FIP1L1: variants seen among roughly 807,000 people sequenced by gnomAD.
The protein encoded by FIP1L1 is pre-mRNA 3'-end-processing factor FIP1.
FIP1L1 carries 21 observed loss-of-function variants against 84.6 expected under a neutral mutation model. The observed-to-expected ratio is 0.25, with a 90% confidence interval of 0.18 to 0.36. FIP1L1 has a LOEUF of 0.36. FIP1L1 is among the 10% of genes least tolerant of loss of function. The pLI is 1.00. For missense variants in FIP1L1, 526 were observed against 751.1 expected (o/e 0.70, Z 3.50); for synonymous variants, 263 against 242.3 (o/e 1.09, Z -0.80).
At chr4:53,387,963 G>A (rs1742011159) in intron 5 of FIP1L1, among the ~76,000 whole-genome samples, 1 of 152,218 alleles carries the variant, frequency 6.6e-6, no homozygotes, top group African/African-American at 2.4e-5. Context: ...AGCATTACAT[G>A]AATTAATCAG....
At position 53,460,189 on chromosome 4, in the gene FIP1L1, T is replaced by C. The variant is rs1721620528; in HGVS notation, c.*740T>C. On this transcript the variant is annotated 3_prime_UTR_variant, in exon 18 of 18. Coordinates refer to ENST00000337488, the MANE Select transcript of FIP1L1 (RefSeq NM_030917.4). Reference sequence around the variant, plus strand: ...AGCTGGTTTGGCCTTCTTGATGCATTTTCCAAGGCCCACTGGTGGAGCAGC... The same window carrying C: ...AGCTGGTTTGGCCTTCTTGATGCATCTTCCAAGGCCCACTGGTGGAGCAGC... The C allele has an allele frequency of 5.1e-6, 1 of 196,748 alleles. No homozygotes were observed. The highest frequency in any genetic ancestry group is 1.1e-5 in the Non-Finnish European group (1 of 94,772). The allele number at this position is 196,748 out of a possible 1,614,324, so 12.2% of individuals were successfully genotyped here. A position where few individuals can be genotyped will look rare whatever the true frequency, so the allele number is the denominator to read the frequency against.
chr4:53,459,695 C>G lies in FIP1L1; in HGVS notation c.*246C>G. ...ATCCAAGAAAGGAATGTGAATGAGT[C>G]ACTTAACAGGGAATCTAAAGAGCTG... On this transcript the variant is annotated 3_prime_UTR_variant, in exon 18 of 18. Coordinates refer to ENST00000337488, the MANE Select transcript of FIP1L1 (RefSeq NM_030917.4). The G allele has an allele frequency of 1.9e-6, 1 of 514,044 alleles. No individual in the cohort carries two copies. The highest frequency in any genetic ancestry group is 3.5e-6 in the Non-Finnish European group (1 of 286,974). The allele number at this position is 514,044 out of a possible 1,614,324, so 31.8% of individuals were successfully genotyped here.
chr4:53,408,141 C>T (rs1026958513), intron 10 of FIP1L1, among the ~76,000 whole-genome samples: 1 of 152,122 alleles, frequency 6.6e-6, no homozygotes, highest in Non-Finnish European at 1.5e-5. Flanking sequence ...ACTGGTTGTT[C>T]CTTTCCAAGT....
chr4:53,427,847 C>A (rs1764954925), intron 12 of FIP1L1, among the ~76,000 whole-genome samples, 180 bp from the exon 13 acceptor site: 1 of 152,108 alleles, frequency 6.6e-6, no homozygotes, highest in Non-Finnish European at 1.5e-5. Flanking sequence ...TGTGTATACT[C>A]ACACAGGCGT....
chr4:53,403,790 A>G (rs982323503), intron 10 of FIP1L1, among the ~76,000 whole-genome samples: 4 of 152,102 alleles, frequency 2.6e-5, no homozygotes, highest in Admixed American at 6.6e-5. Context: ...GGCTGCAGGC[A>G]TTGCAGTTTT....
chr4:53,384,481 C>G (rs1444827270), intron 5 of FIP1L1, among the ~76,000 whole-genome samples: 1 of 151,760 alleles, frequency 6.6e-6, no homozygotes. Context: ...TAATTTGTAT[C>G]TGTACTTATT....
At chr4:53,420,005 G>C (rs563658178) in intron 11 of FIP1L1, among the ~76,000 whole-genome samples, 95 of 151,760 alleles carry the variant, frequency 6.3e-4, no homozygotes, top group African/African-American at 2.2e-3. Flanking sequence ...TCAGGAGATC[G>C]AGACCACGGT....
chr4:53,430,293 G>GC (rs1766004660), intron 13 of FIP1L1, among the ~76,000 whole-genome samples: 1 of 151,490 alleles, frequency 6.6e-6, no homozygotes, highest in Admixed American at 6.6e-5. Context: ...CTACACATAG[G>GC]CAGTAGCATT....
At chr4:53,405,081 C>T (rs1455222679) in intron 10 of FIP1L1, among the ~76,000 whole-genome samples, 3 of 152,148 alleles carry the variant, frequency 2.0e-5, no homozygotes, top group Non-Finnish European at 2.9e-5. Flanking sequence ...GAAGTCCTTG[C>T]CCATGCCTGT....
chr4:53,415,486 G>C (rs954740283), intron 11 of FIP1L1, among the ~76,000 whole-genome samples: 1 of 150,466 alleles, frequency 6.6e-6, no homozygotes, highest in African/African-American at 2.4e-5. Context: ...TATCATTTGA[G>C]GTTTTAAATA....
chr4:53,454,522 G>A (rs1717884684), intron 16 of FIP1L1, among the ~76,000 whole-genome samples: 1 of 152,180 alleles, frequency 6.6e-6, no homozygotes, highest in Non-Finnish European at 1.5e-5. Context: ...CATCCCCAGT[G>A]AGTATTACTA....
At chr4:53,397,965 A>G (rs1287924935) in intron 9 of FIP1L1, among the ~76,000 whole-genome samples, 1 of 152,192 alleles carries the variant, frequency 6.6e-6, no homozygotes, top group Middle Eastern at 3.2e-3. Context: ...CAGGGGAGCA[A>G]TTCGGACAAT....
At chr4:53,384,876 C>G (rs573708337) in intron 5 of FIP1L1, among the ~76,000 whole-genome samples, 14 of 152,290 alleles carry the variant, frequency 9.2e-5, no homozygotes, top group Middle Eastern at 3.4e-3. Context: ...GTTCATTAAG[C>G]AACCTCATCT....
At position 53,409,344 on chromosome 4, in the gene FIP1L1, G is replaced by A. The variant is rs1324899991; in HGVS notation, c.816-5271G>A. On this transcript the variant is annotated intron_variant, in intron 10 of 17. Coordinates refer to ENST00000337488, the MANE Select transcript of FIP1L1 (RefSeq NM_030917.4). ...GAACCGCGAATGCTGCTGTCTGATC[G>A]TTCCTCTGGACGTTTTGCCTCAGAG... 4.6e-5 allele frequency among the ~76,000 whole-genome samples: 7 copies of A among 152,248 alleles called. No homozygotes were observed. In the Middle Eastern group the frequency reaches 0.01, roughly 222 times the overall value.
At chr4:53,428,297 A>G in intron 13 of FIP1L1, 114 bp downstream of exon 13, 1 of 1,019,456 alleles carries the variant, frequency 9.8e-7, no homozygotes, top group Non-Finnish European at 1.4e-6. Flanking sequence ...AGTAATAGAT[A>G]TAATATCTTC....
At chr4:53,437,002 C>A (rs1769522584) in intron 13 of FIP1L1, among the ~76,000 whole-genome samples, 1 of 151,970 alleles carries the variant, frequency 6.6e-6, no homozygotes, top group South Asian at 2.1e-4. Context: ...CCAGCCTGGG[C>A]AACATGAAGA....
At chr4:53,446,844 A>G (rs1444012398) in intron 15 of FIP1L1, among the ~76,000 whole-genome samples, 1 of 152,158 alleles carries the variant, frequency 6.6e-6, no homozygotes, top group Non-Finnish European at 1.5e-5. Context: ...TTGGTATTTA[A>G]CTTTTTCTCA....
intron 10 of FIP1L1, among the ~76,000 whole-genome samples, chr4:53,409,642 C>T (rs1441959616): frequency 1.3e-5 from 2 of 152,214 alleles, no homozygotes; most frequent in African/African-American, 2.4e-5. Flanking sequence ...GTGGGCTCCA[C>T]CCAGTTGGAG....
chr4:53,398,702 A>G (rs1748685907), intron 9 of FIP1L1, among the ~76,000 whole-genome samples: 1 of 152,212 alleles, frequency 6.6e-6, no homozygotes, highest in African/African-American at 2.4e-5. Context: ...TAAGATAAAA[A>G]GGTGAGTATA....
Sources: allele counts gnomAD v4.1 joint callset (sites outside exome capture counted in the v4.1 genomes callset), GRCh38; gene constraint gnomAD v4.1.1; transcripts MANE v1.5; gene names NCBI Gene and HGNC (gene_info 2026-07-23, HGNC 2026-07-21).